The following PCDH11X variants were observed in gnomAD, a reference collection of about 807,000 sequenced individuals.
PCDH11X encodes the protein protocadherin-11 X-linked.
PCDH11X carries 18 observed loss-of-function variants against 53.3 expected under a neutral mutation model. The observed-to-expected ratio is 0.34, with a 90% CI of 0.23 to 0.50. The LOEUF (loss-of-function observed/expected upper bound fraction) is 0.50, where lower values mean the gene tolerates loss of function less well. PCDH11X is among the 20% of genes least tolerant of loss of function. The pLI, the probability that PCDH11X is intolerant of heterozygous loss-of-function variation, is 0.98. For missense variants in PCDH11X, 570 were observed against 1,032.4 expected (o/e 0.55, Z 6.14); for synonymous variants, 279 against 393.3 (o/e 0.71, Z 3.44).
intron 8 of PCDH11X, among the ~76,000 whole-genome samples, chrX:92,281,889 T>A (rs946750045): frequency 1.6e-4 from 18 of 111,894 alleles, no homozygotes; most frequent in African/African-American, 5.5e-4. Flanking sequence ...GAAGGCCCAC[T>A]GTGTCTCAGG....
chrX:91,911,601 T>TA (rs1323384071), intron 6 of PCDH11X, among the ~76,000 whole-genome samples: 15 of 109,897 alleles, frequency 1.4e-4, no homozygotes, highest in African/African-American at 5.0e-4. Flanking sequence ...CATCCCCACT[T>TA]ACCCTCCTCT....
intron 10 of PCDH11X, among the ~76,000 whole-genome samples, chrX:92,497,797 C>A (rs908577440): frequency 1.2e-4 from 13 of 109,954 alleles, no homozygotes; most frequent in African/African-American, 4.3e-4. Flanking sequence ...ATAACCATTA[C>A]AATAGAGAAT....
At chrX:92,243,169 C>G (rs1371111192) in intron 7 of PCDH11X, among the ~76,000 whole-genome samples, 1 of 111,435 alleles carries the variant, frequency 9.0e-6, no homozygotes, top group Admixed American at 9.6e-5. Flanking sequence ...TTTGCCTAAC[C>G]TTAAATTCTG....
At chrX:92,059,182 G>A (rs953268408) in intron 6 of PCDH11X, among the ~76,000 whole-genome samples, 5 of 107,652 alleles carry the variant, frequency 4.6e-5, no homozygotes, top group Admixed American at 1.0e-4. Flanking sequence ...AAAAGTTCCA[G>A]TTAATATATA....
chrX:91,898,015 G>T (rs1449191302), intron 6 of PCDH11X, among the ~76,000 whole-genome samples: 1 of 111,349 alleles, frequency 9.0e-6, no homozygotes, highest in African/African-American at 3.3e-5. Context: ...GGTTTTAGCT[G>T]CATGGTCTTT....
At chrX:92,318,184 C>T (rs888989509) in intron 8 of PCDH11X, among the ~76,000 whole-genome samples, 8 of 111,700 alleles carry the variant, frequency 7.2e-5, no homozygotes, top group Non-Finnish European at 1.3e-4. Flanking sequence ...TCAAAATACA[C>T]TATCTGGATG....
chrX:91,996,017 T>A (rs1416556394), intron 6 of PCDH11X, among the ~76,000 whole-genome samples: 1 of 107,401 alleles, frequency 9.3e-6, no homozygotes, highest in Non-Finnish European at 1.9e-5. Flanking sequence ...ATTTTTTGTA[T>A]TTTTTAGTAG....
At chrX:92,540,331 G>A (rs2074734635) in intron 10 of PCDH11X, among the ~76,000 whole-genome samples, 1 of 108,985 alleles carries the variant, frequency 9.2e-6, no homozygotes, top group African/African-American at 3.4e-5. Context: ...CCCTCCCTGT[G>A]GCTACTACCA....
At chrX:91,781,819 A>C in intron 1 of PCDH11X, among the ~76,000 whole-genome samples, 1 of 112,300 alleles carries the variant, frequency 8.9e-6, no homozygotes, top group Non-Finnish European at 1.9e-5. Flanking sequence ...GGTCTTGACG[A>C]AAGAACCGAG....
intron 9 of PCDH11X, among the ~76,000 whole-genome samples, chrX:92,390,093 G>A (rs1173608698): frequency 2.7e-5 from 3 of 110,646 alleles, no homozygotes; most frequent in African/African-American, 9.8e-5. Flanking sequence ...GCAAAGGGTA[G>A]ATATAATTAA....
chrX:92,364,016 C>G (rs1190536895), intron 8 of PCDH11X, among the ~76,000 whole-genome samples: 1 of 111,175 alleles, frequency 9.0e-6, no homozygotes, highest in African/African-American at 3.3e-5. Flanking sequence ...AATTACTACT[C>G]AGTCTTGGTG....
chrX:92,324,190 C>G (rs1219396111), intron 8 of PCDH11X, among the ~76,000 whole-genome samples: 2 of 107,121 alleles, frequency 1.9e-5, no homozygotes, highest in Non-Finnish European at 3.9e-5. Flanking sequence ...ATTTCTAGTA[C>G]AGTTAGGATT....
intron 8 of PCDH11X, among the ~76,000 whole-genome samples, chrX:92,281,167 C>T (rs1230293130): frequency 1.8e-5 from 2 of 111,533 alleles, no homozygotes; most frequent in Admixed American, 9.6e-5. Flanking sequence ...TACTTATCTC[C>T]ACAGCAACTT....
At chrX:92,051,263 C>T (rs941168663) in intron 6 of PCDH11X, among the ~76,000 whole-genome samples, 5 of 111,515 alleles carry the variant, frequency 4.5e-5, no homozygotes, top group Admixed American at 1.9e-4. Flanking sequence ...TTTAATTTCC[C>T]AGTGTTGGTT....
chrX:91,856,006 A>C (rs1253530510), intron 5 of PCDH11X, among the ~76,000 whole-genome samples: 2 of 101,945 alleles, frequency 2.0e-5, no homozygotes, highest in African/African-American at 3.6e-5. Context: ...CTCTTATCTG[A>C]TGGCTCTAGC....
intron 6 of PCDH11X, among the ~76,000 whole-genome samples, chrX:92,039,689 C>T (rs774629362): frequency 1.8e-5 from 2 of 111,843 alleles, no homozygotes; most frequent in Admixed American, 9.5e-5. Context: ...ACCCCAAGAA[C>T]CTGCTTTATG....
chrX:92,142,465 C>T (rs1456586020), intron 6 of PCDH11X, among the ~76,000 whole-genome samples: 3 of 109,956 alleles, frequency 2.7e-5, no homozygotes, highest in Non-Finnish European at 3.8e-5. Flanking sequence ...GGTGATCTGC[C>T]GGCCTCAGCC....
At chrX:91,786,727 G>C (rs1434860423) in intron 1 of PCDH11X, among the ~76,000 whole-genome samples, 24 of 96,464 alleles carry the variant, frequency 2.5e-4, no homozygotes, top group South Asian at 5.5e-4. Context: ...TGAAGTTCCC[G>C]CTGATGAAAT....
intron 4 of PCDH11X, among the ~76,000 whole-genome samples, chrX:91,831,455 G>A (rs1249940072): frequency 1.9e-5 from 2 of 106,182 alleles, no homozygotes; most frequent in African/African-American, 3.4e-5. Context: ...ATTAAGATAC[G>A]TATGTAGGCA....
Sources: gnomAD v4.1 joint callset for allele counts (sites outside exome capture counted in the v4.1 genomes callset) on GRCh38, gnomAD v4.1.1 for gene constraint, MANE v1.5 for transcripts, NCBI Gene and HGNC (gene_info 2026-07-23, HGNC 2026-07-21) for gene names.